The following UNC5D variants were observed in gnomAD, a reference collection of about 807,000 sequenced individuals.
UNC5D encodes unc-5 netrin receptor D.
UNC5D carries 39 observed loss-of-function variants against 105.4 expected under a neutral mutation model. The ratio of observed to expected loss-of-function variants is 0.37; its 90% CI spans 0.29 to 0.48. The LOEUF (loss-of-function observed/expected upper bound fraction) is 0.48. Among genes scored for constraint, UNC5D ranks in the 20% least tolerant of loss-of-function variants. The probability of loss-of-function intolerance (pLI) is 0.98; values close to 1 mark genes in which losing one functional copy is unlikely to be tolerated. For synonymous variants in UNC5D, 452 were observed against 450.4 expected, an observed-to-expected ratio of 1.00 and a Z score of -0.04; for missense variants, 991 against 1,202.4, an observed-to-expected ratio of 0.82 and a Z score of 2.60.
Position 35,328,196 on chromosome 8 carries a change from A to G in UNC5D, c.103+92309A>G, listed in dbSNP as rs540253920. 3.3e-4 allele frequency among the ~76,000 whole-genome samples: 50 copies of G among 149,534 alleles called. No individual in the cohort carries two copies. The South Asian group carries it at 0.011, about 32-fold the overall frequency. On this transcript the variant is annotated intron_variant, in intron 1 of 16. Transcript: ENST00000404895. Reference sequence around the variant, plus strand: ...GAAAAGCTTGAATAAAAGATACCCTAGAAATGCTTTTAACAAAGATTTACT... The same window carrying G: ...GAAAAGCTTGAATAAAAGATACCCTGGAAATGCTTTTAACAAAGATTTACT...
intron 11 of UNC5D, among the ~76,000 whole-genome samples, chr8:35,733,679 A>C (rs994725211): frequency 6.6e-6 from 1 of 152,142 alleles, no homozygotes; most frequent in African/African-American, 2.4e-5. Context: ...TCTCCTATTG[A>C]CTATACATTT....
chr8:35,272,269 C>A (rs1215820190), intron 1 of UNC5D, among the ~76,000 whole-genome samples: 1 of 152,052 alleles, frequency 6.6e-6, no homozygotes, highest in Admixed American at 6.5e-5. Flanking sequence ...TGATTTCTTC[C>A]TTTTTTAGAA....
chr8:35,702,879 T>G (rs1827307209), intron 7 of UNC5D, among the ~76,000 whole-genome samples: 1 of 152,134 alleles, frequency 6.6e-6, no homozygotes, highest in Admixed American at 6.6e-5. Flanking sequence ...ATACAGAAGA[T>G]ATGCTGGAAC....
chr8:35,580,428 A>T (rs374421037), intron 3 of UNC5D, among the ~76,000 whole-genome samples: 73 of 152,132 alleles, frequency 4.8e-4, no homozygotes, highest in African/African-American at 1.8e-3. Context: ...CAGCTCTCAA[A>T]TTGCTGATGA....
intron 1 of UNC5D, among the ~76,000 whole-genome samples, chr8:35,533,123 C>T (rs933303311): frequency 1.3e-5 from 2 of 151,922 alleles, no homozygotes; most frequent in Non-Finnish European, 2.9e-5. Context: ...GAGAGGCGCT[C>T]TGCATTTTAG....
At chr8:35,456,420 A>G (rs567749925) in intron 1 of UNC5D, among the ~76,000 whole-genome samples, 1 of 152,328 alleles carries the variant, frequency 6.6e-6, no homozygotes, top group Non-Finnish European at 1.5e-5. Flanking sequence ...TTTGAGATCC[A>G]CTGCTGAAGG....
intron 16 of UNC5D, among the ~76,000 whole-genome samples, chr8:35,789,931 C>G (rs1301019152): frequency 2.0e-5 from 3 of 150,074 alleles, no homozygotes; most frequent in Admixed American, 6.7e-5. Context: ...CACACACACA[C>G]AGAGTTCAAG....
At chr8:35,586,481 T>C (rs903539578) in intron 3 of UNC5D, among the ~76,000 whole-genome samples, 1 of 152,158 alleles carries the variant, frequency 6.6e-6, no homozygotes, top group Non-Finnish European at 1.5e-5. Flanking sequence ...GGCTGGAGGA[T>C]TGAGGTGGAA....
chr8:35,288,490 A>G (rs1448631283), intron 1 of UNC5D, among the ~76,000 whole-genome samples: 1 of 152,212 alleles, frequency 6.6e-6, no homozygotes, highest in Non-Finnish European at 1.5e-5. Flanking sequence ...GCTGAAAGAA[A>G]AGGCTTTTAA....
At chr8:35,508,373 C>G (rs1812470053) in intron 1 of UNC5D, among the ~76,000 whole-genome samples, 1 of 152,126 alleles carries the variant, frequency 6.6e-6, no homozygotes, top group Non-Finnish European at 1.5e-5. Context: ...TTAAATTATC[C>G]TCATCTGCTG....
At chr8:35,390,728 T>C (rs927227910) in intron 1 of UNC5D, among the ~76,000 whole-genome samples, 2 of 152,208 alleles carry the variant, frequency 1.3e-5, no homozygotes, top group East Asian at 1.9e-4. Flanking sequence ...AATATCTCAA[T>C]AGTTTCTCTT....
At chr8:35,681,872 A>T (rs963275326) in intron 4 of UNC5D, among the ~76,000 whole-genome samples, 4 of 152,186 alleles carry the variant, frequency 2.6e-5, no homozygotes, top group African/African-American at 9.7e-5. Flanking sequence ...TAAGTATGGA[A>T]GGATCCTAAT....
intron 15 of UNC5D, among the ~76,000 whole-genome samples, chr8:35,770,361 T>C (rs1029964784): frequency 6.6e-6 from 1 of 152,214 alleles, no homozygotes; most frequent in Non-Finnish European, 1.5e-5. Flanking sequence ...ATTTGATCCT[T>C]CATGTTCAGC....
At chr8:35,611,886 G>A (rs779883647) in intron 4 of UNC5D, among the ~76,000 whole-genome samples, 9 of 152,108 alleles carry the variant, frequency 5.9e-5, no homozygotes, top group African/African-American at 1.7e-4. Flanking sequence ...ATGAAAATCC[G>A]ACATTTTAAT....
At chr8:35,649,848 A>C (rs1823291762) in intron 4 of UNC5D, among the ~76,000 whole-genome samples, 1 of 152,210 alleles carries the variant, frequency 6.6e-6, no homozygotes, top group African/African-American at 2.4e-5. Context: ...ACTTAGAAAC[A>C]GACATAAAGC....
intron 14 of UNC5D, among the ~76,000 whole-genome samples, chr8:35,763,640 G>C (rs1011988525): frequency 2.6e-5 from 4 of 152,050 alleles, no homozygotes; most frequent in African/African-American, 9.7e-5. Context: ...GCTTAGCTGG[G>C]CAAAACCACC....
chr8:35,681,865 G>C (rs970501050), intron 4 of UNC5D, among the ~76,000 whole-genome samples: 1 of 152,122 alleles, frequency 6.6e-6, no homozygotes, highest in Non-Finnish European at 1.5e-5. Context: ...CTTGGGGTAA[G>C]TATGGAAGGA....
intron 3 of UNC5D, among the ~76,000 whole-genome samples, chr8:35,590,043 T>C (rs945685920): frequency 3.4e-5 from 5 of 148,334 alleles, no homozygotes; most frequent in African/African-American, 1.3e-4. Context: ...GGTTCCAAAA[T>C]TTGACATTTC....
chr8:35,336,158 G>A (rs1214206770), intron 1 of UNC5D, among the ~76,000 whole-genome samples: 2 of 152,084 alleles, frequency 1.3e-5, no homozygotes, highest in Admixed American at 6.5e-5. Context: ...ATGTATATAC[G>A]GAGAGTCAGT....
Sources: allele counts gnomAD v4.1 joint callset (sites outside exome capture counted in the v4.1 genomes callset), GRCh38; gene constraint gnomAD v4.1.1; transcripts MANE v1.5; gene names NCBI Gene and HGNC (gene_info 2026-07-23, HGNC 2026-07-21).